EPHA3: variants seen among roughly 807,000 people sequenced by gnomAD.
The protein encoded by EPHA3 is EPH receptor A3.
Under a neutral mutation model 107.1 loss-of-function variants are expected in EPHA3, and 42 were observed. The observed-to-expected ratio is 0.39, with a 90% confidence interval of 0.31 to 0.51. The LOEUF (loss-of-function observed/expected upper bound fraction) is 0.51, where lower values mean the gene tolerates loss of function less well. Among genes scored for constraint, EPHA3 ranks in the 20% least tolerant of loss-of-function variants. The pLI is 0.78. For synonymous variants in EPHA3, 461 were observed against 424.8 expected, an observed-to-expected ratio of 1.09 and a Z score of -1.05; for missense variants, 1,183 against 1,211.2, an observed-to-expected ratio of 0.98 and a Z score of 0.35.
intron 3 of EPHA3, among the ~76,000 whole-genome samples, chr3:89,241,351 T>A (rs972494717): frequency 6.6e-6 from 1 of 152,328 alleles, no homozygotes; most frequent in East Asian, 1.9e-4. Context: ...ATTTGAAAAC[T>A]GATTGGCATT....
chr3:89,160,121 T>C (rs1476466516), intron 2 of EPHA3, among the ~76,000 whole-genome samples: 2 of 152,118 alleles, frequency 1.3e-5, no homozygotes, highest in African/African-American at 2.4e-5. Context: ...TCAATTTCCT[T>C]ACATTCCGTT....
intron 3 of EPHA3, among the ~76,000 whole-genome samples, chr3:89,306,785 G>T (rs950131725): frequency 2.0e-5 from 3 of 152,174 alleles, no homozygotes; most frequent in African/African-American, 7.2e-5. Context: ...TGGCTAGCTT[G>T]AAAGCAAAGA....
intron 2 of EPHA3, among the ~76,000 whole-genome samples, chr3:89,195,215 C>T (rs1559594727): frequency 2.0e-5 from 3 of 151,842 alleles, no homozygotes; most frequent in Non-Finnish European, 4.4e-5. Flanking sequence ...ACTTTTGCTC[C>T]TCTTCTTTGC....
chr3:89,360,098 C>T (rs1708060460), intron 5 of EPHA3, among the ~76,000 whole-genome samples: 1 of 150,134 alleles, frequency 6.7e-6, no homozygotes, highest in Non-Finnish European at 1.5e-5. Flanking sequence ...CTAGATCTTT[C>T]CAGTGCACCA....
At chr3:89,246,581 A>T (rs1705039146) in intron 3 of EPHA3, among the ~76,000 whole-genome samples, 1 of 152,126 alleles carries the variant, frequency 6.6e-6, no homozygotes, top group Admixed American at 6.5e-5. Flanking sequence ...GACACAATGA[A>T]GTTGCCATCA....
At chr3:89,380,306 T>C (rs1430470888) in intron 5 of EPHA3, among the ~76,000 whole-genome samples, 2 of 152,206 alleles carry the variant, frequency 1.3e-5, no homozygotes, top group Admixed American at 6.5e-5. Flanking sequence ...CCTCAGAAGG[T>C]ATTTATGTGA....
At chr3:89,308,812 T>C (rs1706693632) in intron 3 of EPHA3, among the ~76,000 whole-genome samples, 1 of 152,094 alleles carries the variant, frequency 6.6e-6, no homozygotes, top group Admixed American at 6.6e-5. Context: ...TAATCTTTTG[T>C]AGATAACATT....
intron 11 of EPHA3, among the ~76,000 whole-genome samples, chr3:89,420,490 T>C (rs1287109099): frequency 1.3e-5 from 2 of 151,524 alleles, no homozygotes; most frequent in African/African-American, 2.4e-5. Flanking sequence ...TGTAAGTCCA[T>C]ATTAATTCTT....
At chr3:89,127,794 G>GA (rs986734708) in intron 2 of EPHA3, among the ~76,000 whole-genome samples, 7 of 151,994 alleles carry the variant, frequency 4.6e-5, no homozygotes, top group East Asian at 3.9e-4. Flanking sequence ...ATATTACTTA[G>GA]AAAAAATCTG....
intron 3 of EPHA3, among the ~76,000 whole-genome samples, chr3:89,228,218 T>C (rs998881099): frequency 1.3e-5 from 2 of 151,962 alleles, no homozygotes; most frequent in African/African-American, 4.8e-5. Context: ...CATGGGTTGA[T>C]AGTCACGGAC....
intron 7 of EPHA3, 91 bp downstream of exon 7, chr3:89,399,571 A>G: frequency 1.3e-6 from 2 of 1,543,448 alleles, no homozygotes; most frequent in East Asian, 4.6e-5. Flanking sequence ...TAAGTTTTAA[A>G]CAAATGTGAT....
Position 89,361,681 on chromosome 3 carries a change from G to A in EPHA3, c.1306+19591G>A, listed in dbSNP as rs528606585. Among the ~76,000 whole-genome samples the A allele has an allele frequency of 2.3e-4, 35 of 150,976 alleles. 3 individuals carry two copies. The highest frequency in any genetic ancestry group is 4.4e-4 in the Non-Finnish European group (30 of 67,424). On this transcript the variant is annotated intron_variant, in intron 5 of 16. Transcript: ENST00000336596. Reference sequence around the variant, plus strand: ...CTTTAAAGTTTCCTGGAGCTAAGACGAACATTTTCTGAGCGCTCACCTCAA... The same window carrying A: ...CTTTAAAGTTTCCTGGAGCTAAGACAAACATTTTCTGAGCGCTCACCTCAA...
At chr3:89,225,678 A>G (rs1704486038) in intron 3 of EPHA3, among the ~76,000 whole-genome samples, 1 of 152,214 alleles carries the variant, frequency 6.6e-6, no homozygotes, top group Non-Finnish European at 1.5e-5. Context: ...CACTTTCAGG[A>G]ACACTGAGGC....
intron 15 of EPHA3, among the ~76,000 whole-genome samples, chr3:89,451,786 A>G (rs1216101921): frequency 6.6e-6 from 1 of 152,022 alleles, no homozygotes; most frequent in Non-Finnish European, 1.5e-5. Flanking sequence ...TGTTGTTTCC[A>G]TTGCTACAAA....
At chr3:89,426,532 AT>A in intron 11 of EPHA3, among the ~76,000 whole-genome samples, 1 of 151,902 alleles carries the variant, frequency 6.6e-6, no homozygotes, top group East Asian at 1.9e-4. Flanking sequence ...ATGCACGCTG[AT>A]GTGATTTCTG....
chr3:89,277,898 A>G (rs1207213810), intron 3 of EPHA3, among the ~76,000 whole-genome samples: 1 of 152,192 alleles, frequency 6.6e-6, no homozygotes, highest in Non-Finnish European at 1.5e-5. Context: ...GATGGTGAAT[A>G]TAATTTCAAT....
intron 3 of EPHA3, among the ~76,000 whole-genome samples, chr3:89,281,004 A>ATTTAT (rs71105126): frequency 6.8e-6 from 1 of 147,280 alleles, no homozygotes; most frequent in African/African-American, 2.6e-5. Context: ...CAAGATTTTT[A>ATTTAT]TTATTTATTT....
intron 3 of EPHA3, among the ~76,000 whole-genome samples, chr3:89,312,859 G>A (rs1469690142): frequency 3.9e-5 from 6 of 151,942 alleles, no homozygotes; most frequent in South Asian, 4.1e-4. Flanking sequence ...TCCTGTGTTC[G>A]TTTGCTGAGG....
intron 2 of EPHA3, among the ~76,000 whole-genome samples, chr3:89,166,459 TTTAAA>T (rs1294424006): frequency 3.9e-5 from 6 of 152,340 alleles, no homozygotes; most frequent in African/African-American, 1.4e-4. Context: ...ATATAAAGTC[TTTAAA>T]TTATAATAAT....
Sources: gnomAD v4.1 joint callset for allele counts (sites outside exome capture counted in the v4.1 genomes callset) on GRCh38, gnomAD v4.1.1 for gene constraint, MANE v1.5 for transcripts, NCBI Gene and HGNC (gene_info 2026-07-23, HGNC 2026-07-21) for gene names.